Variants in CERS3 observed in about 807,000 individuals in gnomAD.
The protein encoded by CERS3 is LAG1 homolog, ceramide synthase 3.
CERS3 carries 33 observed loss-of-function variants against 50.3 expected under a neutral mutation model. The observed-to-expected ratio is 0.66, with a 90% confidence interval of 0.50 to 0.88. The LOEUF (loss-of-function observed/expected upper bound fraction) is 0.88. Among genes scored for constraint, CERS3 ranks in the 40% least tolerant of loss-of-function variants. The pLI, the probability that CERS3 is intolerant of heterozygous loss-of-function variation, is 0.00. For missense variants in CERS3, 470 were observed against 460.3 expected (o/e 1.02, Z -0.19); for synonymous variants, 176 against 155.2 (o/e 1.13, Z -0.99).
intron 1 of CERS3, among the ~76,000 whole-genome samples, chr15:100,528,059 T>G (rs78829675): frequency 0.014 from 2,073 of 152,358 alleles, 24 homozygotes; most frequent in East Asian, 0.029. Context: ...AAATTCATTA[T>G]CTGGTCAGCC....
At chr15:100,529,322 C>G (rs948638592), upstream of CERS3, 1 of 152,040 alleles carries the variant, frequency 6.6e-6, no homozygotes, top group African/African-American at 2.4e-5. Context: ...GGGCTTCTTA[C>G]TAACTAAATC....
upstream of CERS3, among the ~76,000 whole-genome samples, chr15:100,532,234 G>T (rs8041714): frequency 0.09 from 13,699 of 152,178 alleles, 718 homozygotes; most frequent in South Asian, 0.16. Context: ...GCTTTCAGCC[G>T]ATCCTTAACC....
intron 1 of CERS3, among the ~76,000 whole-genome samples, chr15:100,536,630 A>G (rs1259300140): frequency 2.6e-5 from 4 of 152,244 alleles, no homozygotes; most frequent in African/African-American, 9.6e-5. Flanking sequence ...ATAATATGAA[A>G]TTAGGAAATG....
At chr15:100,501,539 A>G (rs1462040098) in intron 3 of CERS3, 138 bp downstream of exon 3, 5 of 680,026 alleles carry the variant, frequency 7.4e-6, no homozygotes, top group Admixed American at 5.9e-5. Context: ...ACATTAACTC[A>G]TCCCCAGAAT....
intron 11 of CERS3, among the ~76,000 whole-genome samples, chr15:100,417,568 T>A (rs1215088367): frequency 6.6e-6 from 1 of 151,888 alleles, no homozygotes; most frequent in African/African-American, 2.4e-5. Context: ...TCGAACTGGG[T>A]GGAGCCCACC....
At chr15:100,479,275 G>T (rs956562660) in intron 7 of CERS3, among the ~76,000 whole-genome samples, 153 bp downstream of exon 7, 27 of 151,458 alleles carry the variant, frequency 1.8e-4, no homozygotes, top group Non-Finnish European at 1.9e-4. Flanking sequence ...GACAAATGAG[G>T]GTCAATAAGG....
intron 1 of CERS3, among the ~76,000 whole-genome samples, chr15:100,543,262 C>G (rs1241211264): frequency 6.6e-6 from 1 of 152,156 alleles, no homozygotes; most frequent in East Asian, 1.9e-4. Flanking sequence ...GGTGTGGACC[C>G]TGGCACTGGT....
chr15:100,543,252 G>C (rs1055322969), intron 1 of CERS3, among the ~76,000 whole-genome samples: 1 of 152,114 alleles, frequency 6.6e-6, no homozygotes, highest in African/African-American at 2.4e-5. Flanking sequence ...GAAAACTGTT[G>C]GTGTGGACCC....
At chr15:100,501,466 G>A (rs527883245) in intron 3 of CERS3, among the ~76,000 whole-genome samples, 38 of 152,262 alleles carry the variant, frequency 2.5e-4, no homozygotes, top group African/African-American at 8.9e-4. Flanking sequence ...AGCACTCAGT[G>A]GGATCCATGT....
chr15:100,503,761 C>T, intron 2 of CERS3: 2 of 470,570 alleles, frequency 4.3e-6, no homozygotes, highest in Non-Finnish European at 8.8e-6. Context: ...GATGGAGAAA[C>T]TAGAGGACAA....
At chr15:100,489,705 A>G (rs2035593321) in intron 4 of CERS3, among the ~76,000 whole-genome samples, 1 of 152,208 alleles carries the variant, frequency 6.6e-6, no homozygotes, top group African/African-American at 2.4e-5. Context: ...ACCAGTGGTA[A>G]CAAAAGGATT....
intron 11 of CERS3, among the ~76,000 whole-genome samples, chr15:100,414,856 C>T (rs2031775062): frequency 6.7e-6 from 1 of 148,992 alleles, no homozygotes; most frequent in Middle Eastern, 3.5e-3. Context: ...CTGGGCAATA[C>T]CATTCAGGAC....
intron 11 of CERS3, among the ~76,000 whole-genome samples, chr15:100,433,593 G>A (rs531928178): frequency 6.6e-6 from 1 of 152,262 alleles, no homozygotes; most frequent in Admixed American, 6.5e-5. Flanking sequence ...GTTGGTGGAG[G>A]CCTTGGTTGC....
At chr15:100,466,047 C>G (rs1596708838) in intron 10 of CERS3, among the ~76,000 whole-genome samples, 1 of 152,160 alleles carries the variant, frequency 6.6e-6, no homozygotes, top group Non-Finnish European at 1.5e-5. Context: ...GTACTGGCTG[C>G]CCTCTCCAAT....
intron 11 of CERS3, among the ~76,000 whole-genome samples, chr15:100,437,477 A>G (rs2033472492): frequency 6.6e-6 from 1 of 152,166 alleles, no homozygotes; most frequent in African/African-American, 2.4e-5. Context: ...CAACTGGCAA[A>G]AGACAGCTTA....
chr15:100,448,110 T>G (rs2034009570), intron 11 of CERS3, among the ~76,000 whole-genome samples: 1 of 152,240 alleles, frequency 6.6e-6, no homozygotes, highest in Non-Finnish European at 1.5e-5. Context: ...CATAAGGCTC[T>G]GAAGTATTAT....
At chr15:100,531,605 C>A (rs1344826649), upstream of CERS3, among the ~76,000 whole-genome samples, 1 of 152,024 alleles carries the variant, frequency 6.6e-6, no homozygotes, top group Admixed American at 6.5e-5. Flanking sequence ...TTCCTTTTTT[C>A]TTCTCTTTCT....
intron 2 of CERS3, among the ~76,000 whole-genome samples, chr15:100,516,657 T>A (rs999027744): frequency 1.3e-5 from 2 of 152,256 alleles, no homozygotes; most frequent in Non-Finnish European, 2.9e-5. Flanking sequence ...GAACCTCCTG[T>A]GGCTTCATAG....
At chr15:100,484,720 G>C in intron 4 of CERS3, 52 bp from the exon 5 acceptor site, 1 of 1,311,526 alleles carries the variant, frequency 7.6e-7, no homozygotes, top group South Asian at 1.2e-5. Context: ...AGTCAGACTG[G>C]CAGGCAGACA....
Sources: gnomAD v4.1 joint callset for allele counts (sites outside exome capture counted in the v4.1 genomes callset) on GRCh38, gnomAD v4.1.1 for gene constraint, MANE v1.5 for transcripts, NCBI Gene and HGNC (gene_info 2026-07-23, HGNC 2026-07-21) for gene names.